NRXN1: variants seen among roughly 807,000 people sequenced by gnomAD.
The protein encoded by NRXN1 is neurexin 1, also known as neurexin-1.
In NRXN1, 39 loss-of-function variants were observed where a neutral mutation model predicts 150.9. The ratio of observed to expected loss-of-function variants is 0.26; its 90% CI spans 0.20 to 0.34. The LOEUF is 0.34. Among genes scored for constraint, NRXN1 ranks in the 10% least tolerant of loss-of-function variants. The pLI is 1.00. For synonymous variants in NRXN1, 924 were observed against 757.0 expected (o/e 1.22, Z -3.62); for missense variants, 1,815 against 1,949.9 (o/e 0.93, Z 1.30).
chr2:50,573,517 T>C (rs539444071), intron 8 of NRXN1, among the ~76,000 whole-genome samples: 105 of 152,182 alleles, frequency 6.9e-4, no homozygotes, highest in African/African-American at 2.5e-3. Context: ...TTAGAAGGTA[T>C]AAGGTTAACT....
At chr2:50,829,840 GATT>G (rs904937718) in intron 5 of NRXN1, among the ~76,000 whole-genome samples, 39 of 151,900 alleles carry the variant, frequency 2.6e-4, no homozygotes, top group African/African-American at 9.2e-4. Flanking sequence ...CTCTTTCACA[GATT>G]ATTTTATTTT....
intron 21 of NRXN1, among the ~76,000 whole-genome samples, chr2:50,034,228 A>G (rs912440409): frequency 2.0e-5 from 3 of 152,164 alleles, no homozygotes; most frequent in African/African-American, 7.2e-5. Context: ...AATAGCAAAG[A>G]CATGGAATCA....
intron 2 of NRXN1, among the ~76,000 whole-genome samples, chr2:51,004,771 G>C (rs891878914): frequency 1.3e-5 from 2 of 152,048 alleles, no homozygotes; most frequent in African/African-American, 4.8e-5. Context: ...GGAATGCCCA[G>C]TACTGGGAGA....
intron 18 of NRXN1, among the ~76,000 whole-genome samples, chr2:50,236,338 C>T (rs1398969599): frequency 6.6e-6 from 1 of 151,982 alleles, no homozygotes; most frequent in Non-Finnish European, 1.5e-5. Context: ...TACTTTCGTT[C>T]CTTTTATTTC....
At chr2:50,547,462 C>T (rs1002543296) in intron 9 of NRXN1, 1 of 152,080 alleles carries the variant, frequency 6.6e-6, no homozygotes, top group African/African-American at 2.4e-5. Context: ...CACAGTTTAG[C>T]TAAATACCTG....
At chr2:51,029,739 C>T (rs1671181367) in intron 1 of NRXN1, among the ~76,000 whole-genome samples, 2 of 152,296 alleles carry the variant, frequency 1.3e-5, no homozygotes, top group South Asian at 2.1e-4. Flanking sequence ...AAATTTCACA[C>T]AAGTATAGTT....
At chr2:50,007,387 C>T (rs531065922) in intron 21 of NRXN1, among the ~76,000 whole-genome samples, 2 of 151,996 alleles carry the variant, frequency 1.3e-5, no homozygotes, top group Admixed American at 6.6e-5. Context: ...TGAGGGGTCA[C>T]CACCCCTCGA....
At chr2:50,855,867 T>C (rs999931800) in intron 5 of NRXN1, among the ~76,000 whole-genome samples, 1 of 151,928 alleles carries the variant, frequency 6.6e-6, no homozygotes, top group Admixed American at 6.6e-5. Context: ...ACTGAATACA[T>C]CATACACGGG....
chr2:50,951,012 C>A (rs1691238863), intron 2 of NRXN1, among the ~76,000 whole-genome samples: 1 of 152,120 alleles, frequency 6.6e-6, no homozygotes, highest in Non-Finnish European at 1.5e-5. Flanking sequence ...TTAATCAGGG[C>A]CTCTGTTCTG....
At chr2:50,342,204 A>T (rs1481867291) in intron 17 of NRXN1, among the ~76,000 whole-genome samples, 1 of 152,248 alleles carries the variant, frequency 6.6e-6, no homozygotes, top group Non-Finnish European at 1.5e-5. Context: ...AATCTATTAA[A>T]GTTTTGGGCA....
intron 16 of NRXN1, among the ~76,000 whole-genome samples, chr2:50,465,777 T>C (rs1447383820): frequency 6.6e-6 from 1 of 151,874 alleles, no homozygotes. Flanking sequence ...ATTATAATCA[T>C]AAACTAAACC....
At chr2:50,341,280 G>C (rs2077530618) in intron 17 of NRXN1, among the ~76,000 whole-genome samples, 1 of 152,034 alleles carries the variant, frequency 6.6e-6, no homozygotes, top group African/African-American at 2.4e-5. Context: ...AGTGGTAACT[G>C]AATTCCATAA....
At chr2:50,999,539 G>A (rs1000486076) in intron 2 of NRXN1, among the ~76,000 whole-genome samples, 3 of 151,996 alleles carry the variant, frequency 2.0e-5, no homozygotes, top group African/African-American at 4.8e-5. Flanking sequence ...GACATGTGAT[G>A]TCTCCCCCAG....
At chr2:50,478,562 G>GT (rs527592026) in intron 15 of NRXN1, among the ~76,000 whole-genome samples, 1 of 151,146 alleles carries the variant, frequency 6.6e-6, no homozygotes, top group Non-Finnish European at 1.5e-5. Flanking sequence ...TTGATTTATT[G>GT]TTTTTTAACT....
At chr2:50,810,866 G>A (rs1365044423) in intron 5 of NRXN1, among the ~76,000 whole-genome samples, 2 of 152,018 alleles carry the variant, frequency 1.3e-5, no homozygotes, top group Admixed American at 6.6e-5. Context: ...TGTAGTCCCA[G>A]CTACTCGGGA....
intron 15 of NRXN1, among the ~76,000 whole-genome samples, chr2:50,475,874 T>TAA (rs11442987): frequency 0.012 from 1,797 of 148,350 alleles, 39 homozygotes; most frequent in East Asian, 0.09. Context: ...GTGACGGGTT[T>TAA]AAAAAAAAAA....
At chr2:50,423,293 C>G (rs1371734155) in intron 17 of NRXN1, among the ~76,000 whole-genome samples, 1 of 151,952 alleles carries the variant, frequency 6.6e-6, no homozygotes, top group East Asian at 1.9e-4. Flanking sequence ...CATGAAAAAC[C>G]TATTTGTGAT....
At chr2:49,947,536 A>T (rs1673167432) in intron 21 of NRXN1, among the ~76,000 whole-genome samples, 3 of 96,674 alleles carry the variant, frequency 3.1e-5, no homozygotes, top group East Asian at 2.9e-4. Flanking sequence ...TTTTTTGTAG[A>T]GATAAGGTTC....
chr2:50,728,430 T>C (rs1237500356), intron 5 of NRXN1, among the ~76,000 whole-genome samples: 2 of 152,194 alleles, frequency 1.3e-5, no homozygotes, highest in African/African-American at 4.8e-5. Context: ...TGCTTTTCCC[T>C]ACAGATGCAG....
Sources: allele counts gnomAD v4.1 joint callset (sites outside exome capture counted in the v4.1 genomes callset), GRCh38; gene constraint gnomAD v4.1.1; transcripts MANE v1.5; gene names NCBI Gene and HGNC (gene_info 2026-07-23, HGNC 2026-07-21).